Variants in ADGRB1 observed in about 807,000 individuals in gnomAD.
ADGRB1 encodes adhesion G protein-coupled receptor B1.
Under a neutral mutation model 175.7 loss-of-function variants are expected in ADGRB1, and 36 were observed. That is an observed-to-expected ratio of 0.20 (90% CI 0.16 to 0.27). The LOEUF is 0.27. Ranked by LOEUF, ADGRB1 falls within the 10% of genes least tolerant of loss-of-function variation. ADGRB1 has a pLI of 1.00. For missense variants in ADGRB1, 1,731 were observed against 2,255.3 expected, an observed-to-expected ratio of 0.77 and a Z score of 4.71; for synonymous variants, 1,054 against 979.4, an observed-to-expected ratio of 1.08 and a Z score of -1.42.
intron 13 of ADGRB1, 149 bp from the exon 14 acceptor site, chr8:142,488,215 G>A: frequency 9.1e-7 from 1 of 1,101,774 alleles, no homozygotes; most frequent in Non-Finnish European, 1.3e-6. Flanking sequence ...TGGGGCAGAT[G>A]GCCCCCACAC....
rs974252897 is a variant in ADGRB1, at chr8:142,455,474, G to T, written c.-220+5370G>T. On this transcript the variant is annotated intron_variant, in intron 1 of 30. Transcript: ENST00000517894. The surrounding 1 kb of genome is among the most constrained non-coding windows in gnomAD (Gnocchi z 4.9). ...TTCGCTGTCAGGCCCCCAACCACTT[G>T]CCTTCCTGGGAGAGGAGCATGCGGC... Among the ~76,000 whole-genome samples the T allele has an allele frequency of 1.3e-4, 20 of 152,286 alleles. No individual in the cohort carries two copies. The highest frequency in any genetic ancestry group is 4.8e-4 in the African/African-American group (20 of 41,566).
At chr8:142,471,458 C>T (rs1160401110) in intron 2 of ADGRB1, among the ~76,000 whole-genome samples, 3 of 152,230 alleles carry the variant, frequency 2.0e-5, no homozygotes, top group Non-Finnish European at 2.9e-5. Context: ...GGGATGGGCC[C>T]TGGGCTTTCA....
chr8:142,469,521 G>A (rs542853866), intron 2 of ADGRB1, among the ~76,000 whole-genome samples: 15 of 143,886 alleles, frequency 1.0e-4, no homozygotes, highest in African/African-American at 1.8e-4. Flanking sequence ...GTGTATGCAC[G>A]TGCATGTGTG....
intron 27 of ADGRB1, chr8:142,539,695 G>T: frequency 2.0e-5 from 11 of 556,484 alleles, no homozygotes; most frequent in Admixed American, 3.2e-5. Flanking sequence ...AGGTGCCTGT[G>T]GAGCGCCTGG....
chr8:142,524,326 A>G (rs1247425241), intron 23 of ADGRB1, 22 bp downstream of exon 23: 5 of 1,566,900 alleles, frequency 3.2e-6, no homozygotes, highest in Non-Finnish European at 3.4e-6. Flanking sequence ...CCCAGGCCCC[A>G]CTCCCCACGA....
rs1298202630 is a variant in ADGRB1 at position 142,543,024 on chromosome 8, G to T, written c.4413+377G>T. On this transcript the variant is annotated intron_variant, in intron 28 of 30. Transcript: ENST00000517894. This position sits in a 1 kb window ranked among gnomAD's most constrained non-coding sequence, Gnocchi z 4.4. The stretch of plus-strand genomic sequence containing the variant: ...AGTCAGCCTGTAGGATGTTGTTTTT[G>T]GGGGAGCCCGTCCCCACAGGATATG... 1.3e-5 allele frequency among the ~76,000 whole-genome samples: 2 copies of T among 152,150 alleles called. No individual in the cohort carries two copies. Among genetic ancestry groups the T allele is most frequent in the Non-Finnish European group, 2.9e-5 (2 of 68,004 alleles).
intron 1 of ADGRB1, among the ~76,000 whole-genome samples, chr8:142,452,943 G>T (rs1166907555): frequency 1.4e-5 from 2 of 147,724 alleles, no homozygotes; most frequent in Non-Finnish European, 1.5e-5. Context: ...CGCCCGCGCG[G>T]CCCTGCCCGC....
intron 27 of ADGRB1, among the ~76,000 whole-genome samples, chr8:142,540,712 G>A (rs963064223): frequency 1.3e-5 from 2 of 152,140 alleles, no homozygotes; most frequent in South Asian, 2.1e-4. Context: ...GGGTCTGTGC[G>A]GGGTGGGGCG....
In ADGRB1 at chr8:142,489,454, G is replaced by C; in HGVS notation, c.2631+16G>C. ...CATGTATAATGTGAGTGCCGTCCAC[G>C]TGCACACTCTGATGCCAGCAGAAAC... On this transcript the variant is annotated intron_variant, in intron 16 of 30. Transcript: ENST00000517894. 1.2e-6 allele frequency: 2 copies of C among 1,609,168 alleles called. No individual in the cohort carries two copies. Among genetic ancestry groups the C allele is most frequent in the Non-Finnish European group, 8.5e-7 (1 of 1,176,644 alleles).
chr8:142,505,818 C>G (rs533545683), intron 17 of ADGRB1, among the ~76,000 whole-genome samples: 2 of 152,074 alleles, frequency 1.3e-5, no homozygotes, highest in East Asian at 3.9e-4. Flanking sequence ...GCCAGGGGCA[C>G]GGGTGGTGGC....
intron 25 of ADGRB1, among the ~76,000 whole-genome samples, chr8:142,535,033 G>A (rs1587436142): frequency 6.6e-6 from 1 of 152,134 alleles, no homozygotes. Context: ...AACAAGAACA[G>A]TAGCCTATGA....
chr8:142,491,763 GTGTGCGGTC>G (rs1841993394), intron 17 of ADGRB1, among the ~76,000 whole-genome samples: 1 of 152,210 alleles, frequency 6.6e-6, no homozygotes, highest in Admixed American at 6.5e-5. Flanking sequence ...CGGGCCGAGT[GTGTGCGGTC>G]AGCATGGCCA....
At chr8:142,539,790 CCT>C in intron 27 of ADGRB1, 5 of 309,836 alleles carry the variant, frequency 1.6e-5, no homozygotes, top group Non-Finnish European at 2.4e-5. Context: ...GCTCCCCCCC[CCT>C]GCCTCCTGCC....
intron 2 of ADGRB1, 117 bp downstream of exon 2, chr8:142,465,099 G>T (rs1840195859): frequency 1.0e-6 from 1 of 992,384 alleles, no homozygotes; most frequent in Non-Finnish European, 1.4e-6. Context: ...GGGCGGGCAG[G>T]CGGAGGTGGG....
At position 142,478,171 on chromosome 8, in the gene ADGRB1, C is replaced by T; in HGVS notation, c.1388-16C>T. On this transcript the variant is annotated splice_polypyrimidine_tract_variant and intron_variant, in intron 6 of 30. Coordinates refer to ENST00000517894, the MANE Select transcript of ADGRB1 (RefSeq NM_001702.3). ...CCGGGTGTTCACGCCCACTTTGTGT[C>T]TCCTTCCTCCCCCGGGCCGGGCAGT... 6.3e-7 allele frequency: 1 copy of T among 1,592,940 alleles called. No homozygotes were observed. Among genetic ancestry groups the T allele is most frequent in the Non-Finnish European group, 8.5e-7 (1 of 1,170,496 alleles).
At chr8:142,496,197 A>T (rs1054855125) in intron 17 of ADGRB1, among the ~76,000 whole-genome samples, 24 of 146,778 alleles carry the variant, frequency 1.6e-4, no homozygotes, top group Admixed American at 1.4e-3. Context: ...GGATGGAGGT[A>T]TGGGTGGATG....
In ADGRB1 at chr8:142,542,168, G is replaced by C; in HGVS notation, c.3934G>C (p.Asp1312His). Residue 1312 changes from aspartate (D) to histidine (H), a missense_variant, in exon 28 of 31, where the codon GAC becomes CAC. Physicochemically the swap from Asp to His is moderately conservative, Grantham distance 81. Coordinates refer to ENST00000517894, the MANE Select transcript of ADGRB1 (RefSeq NM_001702.3). This position sits in a 1 kb window ranked among gnomAD's most constrained non-coding sequence, Gnocchi z 6.3. ...CAACCACTCACTGACCCTCAAGAGG[G>C]ACAAGGCGCCCAAGTCCTCCTTCGT... is the stretch of plus-strand genomic sequence containing the variant. ...FPNHSLTLKR[D>H]KAPKSSFVGD... 6.2e-7 allele frequency: 1 copy of C among 1,613,506 alleles called. No individual in the cohort carries two copies. Among genetic ancestry groups the C allele is most frequent in the South Asian group, 1.1e-5 (1 of 91,076 alleles).
chr8:142,519,176 G>C (rs1163684628), intron 19 of ADGRB1, among the ~76,000 whole-genome samples: 1 of 152,144 alleles, frequency 6.6e-6, no homozygotes, highest in Non-Finnish European at 1.5e-5. Flanking sequence ...AAACATCTGG[G>C]GAATGGGGTT....
At chr8:142,526,391 G>T in intron 23 of ADGRB1, 151 bp from the exon 24 acceptor site, 1 of 700,700 alleles carries the variant, frequency 1.4e-6, no homozygotes, top group Non-Finnish European at 2.6e-6. Flanking sequence ...ATCCCATCAG[G>T]CACTGGGGTT....
Sources: allele counts gnomAD v4.1 joint callset (sites outside exome capture counted in the v4.1 genomes callset), GRCh38; gene constraint gnomAD v4.1.1; non-coding constraint Gnocchi (gnomAD v3.1); transcripts MANE v1.5; gene names NCBI Gene and HGNC (gene_info 2026-07-23, HGNC 2026-07-21).